The following SNX13 variants were observed in gnomAD, a reference collection of about 807,000 sequenced individuals.
The protein encoded by SNX13 is sorting nexin 13.
Under a neutral mutation model 133.6 loss-of-function variants are expected in SNX13, and 45 were observed. That is an observed-to-expected ratio of 0.34 (90% CI 0.27 to 0.43). The LOEUF (loss-of-function observed/expected upper bound fraction) is 0.43, where lower values mean the gene tolerates loss of function less well. SNX13 is among the 20% of genes least tolerant of loss of function. The pLI, the probability that SNX13 is intolerant of heterozygous loss-of-function variation, is 1.00. For synonymous variants in SNX13, 414 were observed against 373.9 expected, an observed-to-expected ratio of 1.11 and a Z score of -1.24; for missense variants, 1,032 against 1,145.1, an observed-to-expected ratio of 0.90 and a Z score of 1.43.
chr7:17,940,130 C>G (rs2128059204), intron 1 of SNX13, among the ~76,000 whole-genome samples, 154 bp downstream of exon 1: 1 of 151,968 alleles, frequency 6.6e-6, no homozygotes, highest in East Asian at 1.9e-4. Flanking sequence ...AGCTCCTACT[C>G]TGAGGGCACT....
At chr7:17,831,457 G>A (rs74856025) in intron 15 of SNX13, 85,077 of 948,232 alleles carry the variant, frequency 0.09, 4,182 homozygotes, top group South Asian at 0.15. Flanking sequence ...GAAGAAATGA[G>A]GAGAAAAGGA....
At chr7:17,884,069 T>C (rs1040852198) in intron 5 of SNX13, among the ~76,000 whole-genome samples, 1 of 152,186 alleles carries the variant, frequency 6.6e-6, no homozygotes, top group Non-Finnish European at 1.5e-5. Context: ...AAAAGTTTGC[T>C]GATTCCTGCA....
Position 17,884,564 on chromosome 7 carries a change from T to C in SNX13, c.440+5799A>G, listed in dbSNP as rs78455686. 1.5e-4 allele frequency among the ~76,000 whole-genome samples: 23 copies of C among 152,320 alleles called. No individual in the cohort carries two copies. The East Asian group carries it at 2.3e-3, about 15-fold the overall frequency. On this transcript the variant is annotated intron_variant, in intron 5 of 25. Coordinates refer to ENST00000428135, the MANE Select transcript of SNX13 (RefSeq NM_015132.5). ...GGTTTGTACACGATGGAACAGTAAA[T>C]ACCCAATAAATTATTGTTAATAGAG...
chr7:17,872,651 T>G (rs993134752), intron 8 of SNX13, among the ~76,000 whole-genome samples: 2 of 152,264 alleles, frequency 1.3e-5, no homozygotes, highest in African/African-American at 4.8e-5. Flanking sequence ...AACCCCAAGC[T>G]AGGTAGATGT....
intron 1 of SNX13, among the ~76,000 whole-genome samples, chr7:17,902,020 T>C (rs1797893171): frequency 6.6e-6 from 1 of 152,218 alleles, no homozygotes; most frequent in Non-Finnish European, 1.5e-5. Context: ...AATGAGTTGA[T>C]ATGGAGAAGA....
At chr7:17,929,946 T>C (rs11973277) in intron 1 of SNX13, among the ~76,000 whole-genome samples, 90,313 of 152,040 alleles carry the variant, frequency 0.59, 27,307 homozygotes, top group Non-Finnish European at 0.65. Context: ...ATCTGGGTCA[T>C]ACAGGATTAC....
At chr7:17,865,972 CA>C (rs1793350724) in intron 9 of SNX13, among the ~76,000 whole-genome samples, 1 of 152,086 alleles carries the variant, frequency 6.6e-6, no homozygotes, top group South Asian at 2.1e-4. Flanking sequence ...TATCTCTCAG[CA>C]TATAGAAAAA....
At chr7:17,852,699 G>A (rs1218677486) in intron 9 of SNX13, among the ~76,000 whole-genome samples, 3 of 152,136 alleles carry the variant, frequency 2.0e-5, no homozygotes, top group Admixed American at 1.3e-4. Flanking sequence ...GAGAGATAAT[G>A]ACAAAGGTGT....
At chr7:17,820,582 C>A (rs1445537065) in intron 18 of SNX13, among the ~76,000 whole-genome samples, 1 of 152,040 alleles carries the variant, frequency 6.6e-6, no homozygotes, top group Non-Finnish European at 1.5e-5. Flanking sequence ...TTTTTCATCA[C>A]TTTAAAGCTA....
At chr7:17,868,600 G>A (rs1793686389) in intron 8 of SNX13, 110 bp from the exon 9 acceptor site, 1 of 762,960 alleles carries the variant, frequency 1.3e-6, no homozygotes, top group Admixed American at 2.9e-5. Context: ...TGATATACAT[G>A]TAACTAGGAC....
intron 19 of SNX13, among the ~76,000 whole-genome samples, chr7:17,815,716 C>A (rs1786579164): frequency 6.6e-6 from 1 of 152,216 alleles, no homozygotes; most frequent in Non-Finnish European, 1.5e-5. Flanking sequence ...TAACAACATT[C>A]TAGCTTGGTT....
At chr7:17,911,239 C>A (rs1382648586) in intron 1 of SNX13, among the ~76,000 whole-genome samples, 1 of 152,052 alleles carries the variant, frequency 6.6e-6, no homozygotes, top group Non-Finnish European at 1.5e-5. Flanking sequence ...ATCTGTAGCA[C>A]TGAATTTATA....
At position 17,873,555 on chromosome 7, in the gene SNX13, C is replaced by A. The variant is rs758215397; in HGVS notation, c.726G>T (p.Gln242His). Reference protein sequence around the residue: ...LYLLLPPGDFQNKIMRYFVRE... With the variant: ...LYLLLPPGDFHNKIMRYFVRE... The stretch of plus-strand genomic sequence containing the variant: ...TGACAAAGTATCGCATGATCTTGTT[C>A]TGGAAATCTCCAGGAGGTAGCAATA... The change falls in exon 8 of 26, where the codon CAG becomes CAT. Residue 242 changes from glutamine to histidine, a missense_variant. Gln to His is a conservative substitution (Grantham distance 24). Transcript: ENST00000428135. The A allele has an allele frequency of 3.2e-6, 5 of 1,585,954 alleles. No homozygotes were observed. Among genetic ancestry groups the A allele is most frequent in the Non-Finnish European group, 4.3e-6 (5 of 1,166,618 alleles).
chr7:17,875,920 T>C, intron 5 of SNX13, 130 bp from the exon 6 acceptor site: 1 of 722,666 alleles, frequency 1.4e-6, no homozygotes, highest in African/African-American at 1.8e-5. Context: ...TTTTCATTCA[T>C]TATTACCTGT....
At chr7:17,893,510 T>TCA in intron 2 of SNX13, 76 bp from the exon 3 acceptor site, 1 of 943,892 alleles carries the variant, frequency 1.1e-6, no homozygotes, top group Non-Finnish European at 1.6e-6. Context: ...CCAAGTATAT[T>TCA]TTCCAGAGTT....
intron 9 of SNX13, among the ~76,000 whole-genome samples, chr7:17,862,188 C>A (rs559152653): frequency 6.6e-6 from 1 of 152,210 alleles, no homozygotes; most frequent in African/African-American, 2.4e-5. Context: ...AAAATAATTC[C>A]CAATCCCATG....
chr7:17,917,332 AG>A (rs1427482510), intron 1 of SNX13, among the ~76,000 whole-genome samples: 2 of 152,198 alleles, frequency 1.3e-5, no homozygotes, highest in African/African-American at 4.8e-5. Context: ...AGGAAAAGAA[AG>A]AAAACGCATC....
rs1004897106 is a variant in SNX13, at chr7:17,801,791, A to T, written c.2227-132T>A. The T allele has an allele frequency of 4.0e-5, 23 of 569,930 alleles. No individual in the cohort carries two copies. In the African/African-American group the frequency reaches 4.4e-4, roughly 11 times the overall value. The allele number at this position is 569,930 out of a possible 1,614,324, so 35.3% of individuals were successfully genotyped here. A position where few individuals can be genotyped will look rare whatever the true frequency, so the allele number is the denominator to read the frequency against. ...GTACAATATATAAGCCAAATTTAAC[A>T]ATCTAAAATTTGGAACCAAATATAA... On this transcript the variant is annotated intron_variant, in intron 21 of 25. Coordinates refer to ENST00000428135, the MANE Select transcript of SNX13 (RefSeq NM_015132.5).
intron 5 of SNX13, among the ~76,000 whole-genome samples, chr7:17,887,599 A>G (rs750335407): frequency 6.6e-6 from 1 of 152,216 alleles, no homozygotes; most frequent in Non-Finnish European, 1.5e-5. Context: ...CAGACAAAAA[A>G]TGTATGTGTT....
Sources: allele counts gnomAD v4.1 joint callset (sites outside exome capture counted in the v4.1 genomes callset), GRCh38; gene constraint gnomAD v4.1.1; transcripts MANE v1.5; gene names NCBI Gene and HGNC (gene_info 2026-07-23, HGNC 2026-07-21).